PLS3: variants seen among roughly 807,000 people sequenced by gnomAD.
PLS3 encodes the protein plastin 3.
Under a neutral mutation model 46.5 loss-of-function variants are expected in PLS3, and 11 were observed. The ratio of observed to expected loss-of-function variants is 0.24; its 90% CI spans 0.15 to 0.39. The LOEUF (loss-of-function observed/expected upper bound fraction) is 0.39, where lower values mean the gene tolerates loss of function less well. Ranked by LOEUF, PLS3 falls within the 10% of genes least tolerant of loss-of-function variation. The pLI is 1.00. For missense variants in PLS3, 308 were observed against 461.8 expected, an observed-to-expected ratio of 0.67 and a Z score of 3.05; for synonymous variants, 167 against 162.2, an observed-to-expected ratio of 1.03 and a Z score of -0.22.
intron 1 of PLS3, among the ~76,000 whole-genome samples, chrX:115,570,628 C>T (rs2074208194): frequency 9.3e-6 from 1 of 107,050 alleles, no homozygotes; most frequent in South Asian, 4.2e-4. Flanking sequence ...CCTCAGCCTC[C>T]CGAGTAGCTG....
chrX:115,644,599 AAAATAAAT>A (rs57763072), intron 10 of PLS3, among the ~76,000 whole-genome samples: 12,195 of 99,179 alleles, frequency 0.12, 1,225 homozygotes, highest in African/African-American at 0.32. Flanking sequence ...CTCCATCTCA[AAAATAAAT>A]AAATAAATAA....
intron 3 of PLS3, among the ~76,000 whole-genome samples, chrX:115,625,674 C>A (rs868967750): frequency 2.7e-5 from 3 of 110,072 alleles, no homozygotes; most frequent in South Asian, 7.8e-4. Context: ...TGGAAAAATT[C>A]AATCCTGCCT....
chrX:115,617,993 C>T (rs782708455), intron 2 of PLS3, among the ~76,000 whole-genome samples: 3 of 111,454 alleles, frequency 2.7e-5, no homozygotes, highest in Non-Finnish European at 3.8e-5. Context: ...ATGATGCCAT[C>T]ATAGCTCACT....
At chrX:115,580,775 A>C (rs782383491) in intron 1 of PLS3, among the ~76,000 whole-genome samples, 1 of 112,888 alleles carries the variant, frequency 8.9e-6, no homozygotes, top group Non-Finnish European at 1.9e-5. Context: ...AAAAATGGTA[A>C]TTCTGTTAAG....
At chrX:115,589,993 G>A (rs1200914307) in intron 1 of PLS3, among the ~76,000 whole-genome samples, 2 of 111,546 alleles carry the variant, frequency 1.8e-5, no homozygotes, top group Admixed American at 9.5e-5. Flanking sequence ...CAAGTAGCTG[G>A]GACTACAAGG....
intron 1 of PLS3, among the ~76,000 whole-genome samples, chrX:115,594,752 A>G (rs1200193965): frequency 9.1e-6 from 1 of 110,132 alleles, no homozygotes; most frequent in African/African-American, 3.3e-5. Flanking sequence ...GTTAATTTTC[A>G]TAAGAAAGGA....
At position 115,631,087 on chromosome X, in the gene PLS3, G is replaced by A. The variant is rs182026034; in HGVS notation, c.500+1120G>A. Among the ~76,000 whole-genome samples the A allele has an allele frequency of 3.1e-3, 314 of 99,854 alleles. 16 individuals are homozygous for A. The East Asian group carries it at 0.087, about 28-fold the overall frequency. 86.7% of individuals were successfully genotyped at this position (99,854 alleles called of 115,157 possible). The stretch of plus-strand genomic sequence containing the variant: ...TGTTGTGTGTGTGAGATGGAGTTTC[G>A]CTCTTGTTGCCCAGGCTGGAGTGCA... On this transcript the variant is annotated intron_variant, in intron 5 of 15. Coordinates refer to ENST00000355899, the MANE Select transcript of PLS3 (RefSeq NM_005032.7).
intron 2 of PLS3, among the ~76,000 whole-genome samples, chrX:115,621,470 A>G (rs1360515823): frequency 8.9e-6 from 1 of 112,282 alleles, no homozygotes; most frequent in African/African-American, 3.2e-5. Flanking sequence ...CTTTATTCAC[A>G]GGAAAATATA....
intron 6 of PLS3, 36 bp from the exon 7 acceptor site, chrX:115,634,845 G>T: frequency 4.2e-6 from 5 of 1,177,031 alleles, no homozygotes; most frequent in Non-Finnish European, 5.7e-6. Flanking sequence ...AAATGGAAAG[G>T]TCAAGAAGCA....
rs781944609 is a variant in PLS3 at position 115,646,141 on chromosome X, G to A, written c.1332G>A (p.Lys444=). ...TTAAAGTTCCTGTTGACTGGAGTAA[G>A]GTTAATAAACCTCCATACCCGAAAC... ...ERIKVPVDWS[K]VNKPPYPKLG... Residue 444 remains lysine (K), a synonymous_variant, in exon 12 of 16, where the codon AAG becomes AAA. Transcript: ENST00000355899. 6 of 1,190,703 alleles carry A rather than the reference G, an allele frequency of 5.0e-6. No individual in the cohort carries two copies. The highest frequency in any genetic ancestry group is 4.6e-6 in the Non-Finnish European group (4 of 877,752).
At chrX:115,646,616 A>G (rs1436752031) in intron 13 of PLS3, 81 bp downstream of exon 13, 2 of 849,737 alleles carry the variant, frequency 2.4e-6, no homozygotes, top group Admixed American at 5.9e-5. Flanking sequence ...TAATAAGTGG[A>G]TATGTCGATA....
chrX:115,591,056 A>G (rs1292013519), intron 1 of PLS3, among the ~76,000 whole-genome samples: 2 of 106,263 alleles, frequency 1.9e-5, no homozygotes, highest in Non-Finnish European at 3.9e-5. Context: ...GGAGAATGGC[A>G]TGAACCCGGG....
At chrX:115,590,110 C>T (rs2074335078) in intron 1 of PLS3, among the ~76,000 whole-genome samples, 1 of 111,728 alleles carries the variant, frequency 9.0e-6, no homozygotes, top group Admixed American at 9.5e-5. Flanking sequence ...CCCACCTCAG[C>T]CTCGCAAAGT....
At chrX:115,585,267 T>C (rs1556632272) in intron 1 of PLS3, among the ~76,000 whole-genome samples, 1 of 112,295 alleles carries the variant, frequency 8.9e-6, no homozygotes. Flanking sequence ...ATAGTGCCTT[T>C]TACAGAATAT....
intron 1 of PLS3, among the ~76,000 whole-genome samples, chrX:115,576,291 G>A (rs782766649): frequency 1.3e-4 from 15 of 112,028 alleles, no homozygotes; most frequent in Non-Finnish European, 1.9e-4. Context: ...TCACCAGGCC[G>A]GAAATGACGG....
At chrX:115,609,199 T>C (rs1383483811) in intron 1 of PLS3, among the ~76,000 whole-genome samples, 1 of 111,267 alleles carries the variant, frequency 9.0e-6, no homozygotes, top group Non-Finnish European at 1.9e-5. Context: ...TCCAAAATTA[T>C]TGTTATAATA....
At chrX:115,630,970 T>TA (rs2074767176) in intron 5 of PLS3, among the ~76,000 whole-genome samples, 2 of 97,621 alleles carry the variant, frequency 2.0e-5, no homozygotes, top group South Asian at 4.2e-4. Context: ...ATATTATACA[T>TA]ATATGTTATA....
intron 1 of PLS3, among the ~76,000 whole-genome samples, chrX:115,606,383 C>T (rs1311937431): frequency 2.7e-5 from 3 of 109,113 alleles, no homozygotes; most frequent in Non-Finnish European, 5.7e-5. Context: ...AGTGATCTGC[C>T]CGCTTTGGCC....
rs139656690 is a variant in PLS3, at chrX:115,643,831, G to T, written c.1183+323G>T. On this transcript the variant is annotated intron_variant, in intron 10 of 15. Transcript: ENST00000355899. ...ACGAAAAATTAAAAAATTAGCTGGG[G>T]CGTGGTGGCACATGCCTGTAATCCC... 0.017 allele frequency among the ~76,000 whole-genome samples: 1,872 copies of T among 111,290 alleles called. 86 individuals are homozygous for T. In the East Asian group the frequency reaches 0.19, roughly 11 times the overall value.
Sources: gnomAD v4.1 joint callset for allele counts (sites outside exome capture counted in the v4.1 genomes callset) on GRCh38, gnomAD v4.1.1 for gene constraint, MANE v1.5 for transcripts, NCBI Gene and HGNC (gene_info 2026-07-23, HGNC 2026-07-21) for gene names.